The following RIMS1 variants were observed in gnomAD, a reference collection of about 807,000 sequenced individuals.
RIMS1 encodes regulating synaptic membrane exocytosis 1.
In RIMS1, 83 loss-of-function variants were observed where a neutral mutation model predicts 214.1. The observed-to-expected ratio is 0.39, with a 90% CI of 0.32 to 0.47. The LOEUF (loss-of-function observed/expected upper bound fraction) is 0.47. RIMS1 is among the 20% of genes least tolerant of loss of function. The probability of loss-of-function intolerance (pLI) is 0.99; values close to 1 mark genes in which losing one functional copy is unlikely to be tolerated. For synonymous variants in RIMS1, 793 were observed against 786.8 expected, an observed-to-expected ratio of 1.01 and a Z score of -0.13; for missense variants, 2,050 against 2,161.8, an observed-to-expected ratio of 0.95 and a Z score of 1.03.
At chr6:72,296,622 G>T (rs2094121061) in intron 26 of RIMS1, among the ~76,000 whole-genome samples, 1 of 151,780 alleles carries the variant, frequency 6.6e-6, no homozygotes, top group African/African-American at 2.4e-5. Context: ...AGTTGCTGTT[G>T]GCCTGATAAT....
At chr6:71,966,929 A>T (rs951756141) in intron 1 of RIMS1, among the ~76,000 whole-genome samples, 1 of 152,368 alleles carries the variant, frequency 6.6e-6, no homozygotes, top group Admixed American at 6.5e-5. Context: ...ACATATTTTT[A>T]AAAACTCTTA....
At chr6:72,324,520 G>A (rs2154323309) in intron 28 of RIMS1, among the ~76,000 whole-genome samples, 1 of 151,812 alleles carries the variant, frequency 6.6e-6, no homozygotes, top group South Asian at 2.1e-4. Context: ...CAAACAGATG[G>A]GATGACTACA....
Position 72,183,137 on chromosome 6 carries a change from G to T in RIMS1, c.1666G>T (p.Val556Phe). 1 of 1,591,534 alleles carries T rather than the reference G, an allele frequency of 6.3e-7. No individual in the cohort carries two copies. The highest frequency in any genetic ancestry group is 8.5e-7 in the Non-Finnish European group (1 of 1,170,366). The stretch of plus-strand genomic sequence containing the variant: ...GGACGTGGAGCTGGAGAGCGAGAGC[G>T]TCAGCGAGAAAGGTAAGGGGGCGGC... ...CEDVELESES[V>F]SEKGDLDYYW... is the part of the protein sequence containing the mutation. The change falls in exon 6 of 34, where the codon GTC (valine) becomes TTC (phenylalanine). Residue 556 changes from valine to phenylalanine, a missense_variant. This residue lies in a region of RIMS1 where 882 missense variants were observed against 828.9 expected (regional missense o/e 1.06). Transcript: ENST00000521978.
chr6:72,051,875 A>ATT (rs1824788559), intron 2 of RIMS1, among the ~76,000 whole-genome samples: 6 of 152,002 alleles, frequency 3.9e-5, no homozygotes, highest in Admixed American at 3.9e-4. Context: ...TTTTTTTTCA[A>ATT]TTTAGTACAC....
At chr6:72,164,827 G>A (rs1437257288) in intron 4 of RIMS1, among the ~76,000 whole-genome samples, 1 of 152,102 alleles carries the variant, frequency 6.6e-6, no homozygotes, top group Non-Finnish European at 1.5e-5. Context: ...ATCTACAAAT[G>A]GCAGGGAGAG....
rs371004791 is a variant in RIMS1, at chr6:72,265,456, A to G, written c.3261A>G (p.Glu1087=). The change falls in exon 21 of 34, where the codon GAA becomes GAG. Residue 1087 remains glutamate, a synonymous_variant. Coordinates refer to ENST00000521978, the MANE Select transcript of RIMS1 (RefSeq NM_014989.7). ...GACAGGACATTTCCCTTCATCATGA[A>G]TGCTTTAACTCAACAGTATTGAGAT... The part of the protein sequence containing the change: ...VTRQDISLHH[E]CFNSTVLRFT... The G allele has an allele frequency of 1.2e-6, 2 of 1,609,752 alleles. No individual in the cohort carries two copies.
chr6:72,041,714 G>T (rs1345581520), intron 2 of RIMS1, among the ~76,000 whole-genome samples: 1 of 151,884 alleles, frequency 6.6e-6, no homozygotes, highest in Non-Finnish European at 1.5e-5. Context: ...TTATCAGGGA[G>T]TATGGACCCC....
chr6:72,112,316 C>T lies in RIMS1; in HGVS notation c.471+12330C>T, dbSNP rs548262962. Reference sequence around the variant, plus strand: ...CTAATTGGCCTTTCCTTCTCAACCCCTCATCCCCCACCCCACTCCCAAAGA... The same window carrying T: ...CTAATTGGCCTTTCCTTCTCAACCCTTCATCCCCCACCCCACTCCCAAAGA... On this transcript the variant is annotated intron_variant, in intron 4 of 33. Coordinates refer to ENST00000521978, the MANE Select transcript of RIMS1 (RefSeq NM_014989.7). Among the ~76,000 whole-genome samples the T allele has an allele frequency of 2.6e-5, 4 of 152,134 alleles. No individual in the cohort carries two copies. In the East Asian group the frequency reaches 7.7e-4, roughly 29 times the overall value.
chr6:72,235,526 G>A (rs2063671528), intron 7 of RIMS1, 92 bp from the exon 8 acceptor site: 7 of 788,352 alleles, frequency 8.9e-6, no homozygotes, highest in Non-Finnish European at 2.1e-6. Context: ...TTCTATCCAT[G>A]TTACCTCTAA....
chr6:71,891,855 T>C (rs1363403068), intron 1 of RIMS1, among the ~76,000 whole-genome samples: 2 of 152,212 alleles, frequency 1.3e-5, no homozygotes, highest in Non-Finnish European at 2.9e-5. Flanking sequence ...GAAAACAATT[T>C]TTGTAAACTT....
intron 2 of RIMS1, among the ~76,000 whole-genome samples, chr6:72,030,328 C>A (rs567332635): frequency 6.6e-6 from 1 of 152,096 alleles, no homozygotes; most frequent in East Asian, 1.9e-4. Flanking sequence ...AGAGACTTTT[C>A]CCTCTATTAG....
At chr6:72,001,506 C>A (rs1202345230) in intron 2 of RIMS1, among the ~76,000 whole-genome samples, 1 of 152,016 alleles carries the variant, frequency 6.6e-6, no homozygotes, top group East Asian at 1.9e-4. Flanking sequence ...TCCCTACTCA[C>A]CCCCTGCCCC....
At position 72,291,982 on chromosome 6, in the gene RIMS1, G is replaced by A. The variant is rs369147538; in HGVS notation, c.3786G>A (p.Ser1262=). 743 of 1,565,190 alleles carry A rather than the reference G, an allele frequency of 4.7e-4. No individual in the cohort carries two copies. Among genetic ancestry groups the A allele is most frequent in the Middle Eastern group, 2.8e-3 (17 of 5,996 alleles). Residue 1262 remains serine (S), a synonymous_variant, in exon 26 of 34, where the codon TCG becomes TCA. Transcript: ENST00000521978. ...CACAATCTCCTCCAGCAGACACATC[G>A]TTCAGCAGTCGCAGGGGAAGACAGC... is the stretch of plus-strand genomic sequence containing the variant. The part of the protein sequence containing the change: ...SPTQSPPADT[S]FSSRRGRQLP...
chr6:72,366,100 A>G (rs76507368), intron 29 of RIMS1, among the ~76,000 whole-genome samples: 2,274 of 152,346 alleles, frequency 0.015, 46 homozygotes, highest in African/African-American at 0.052. Flanking sequence ...AAAGTGCTCA[A>G]CAGAAGTTAG....
intron 6 of RIMS1, among the ~76,000 whole-genome samples, chr6:72,222,271 T>C (rs1196334972): frequency 6.6e-6 from 1 of 152,006 alleles, no homozygotes; most frequent in East Asian, 1.9e-4. Context: ...CATAATTCTC[T>C]AAAAAGATAG....
At chr6:72,206,212 T>C (rs1335198987) in intron 6 of RIMS1, among the ~76,000 whole-genome samples, 1 of 152,190 alleles carries the variant, frequency 6.6e-6, no homozygotes, top group African/African-American at 2.4e-5. Flanking sequence ...TCTTCATTTC[T>C]TTTAGAGCTT....
intron 24 of RIMS1, among the ~76,000 whole-genome samples, chr6:72,287,652 G>A (rs1158758445): frequency 6.6e-6 from 1 of 151,414 alleles, no homozygotes; most frequent in African/African-American, 2.4e-5. Context: ...CTGGAGTGTG[G>A]TCACACGATG....
chr6:72,197,465 A>T (rs994478433), intron 6 of RIMS1, among the ~76,000 whole-genome samples: 6 of 152,144 alleles, frequency 3.9e-5, no homozygotes, highest in African/African-American at 1.4e-4. Flanking sequence ...TACTTCCTGA[A>T]ATGTCTAACC....
intron 28 of RIMS1, among the ~76,000 whole-genome samples, chr6:72,326,218 T>A (rs1236126365): frequency 6.6e-6 from 1 of 151,910 alleles, no homozygotes; most frequent in Non-Finnish European, 1.5e-5. Context: ...GTTTTTAAGC[T>A]AAGTTTGTCA....
Sources: gnomAD v4.1 joint callset for allele counts (sites outside exome capture counted in the v4.1 genomes callset) on GRCh38, gnomAD v4.1.1 for gene constraint, gnomAD v4.1.1 regional missense constraint, MANE v1.5 for transcripts, NCBI Gene and HGNC (gene_info 2026-07-23, HGNC 2026-07-21) for gene names.